Variants in SPOCK1 observed in about 807,000 individuals in gnomAD.
The protein encoded by SPOCK1 is SPARC (osteonectin), cwcv and kazal like domains proteoglycan 1.
Under a neutral mutation model 55.3 loss-of-function variants are expected in SPOCK1, and 23 were observed. That is an observed-to-expected ratio of 0.42 (90% CI 0.30 to 0.59). SPOCK1 has a LOEUF of 0.59. Ranked by LOEUF, SPOCK1 falls within the 20% of genes least tolerant of loss-of-function variation. The pLI, the probability that SPOCK1 is intolerant of heterozygous loss-of-function variation, is 0.22. For synonymous variants in SPOCK1, 226 were observed against 221.0 expected (o/e 1.02, Z -0.20); for missense variants, 499 against 552.5 (o/e 0.90, Z 0.97).
intron 2 of SPOCK1, among the ~76,000 whole-genome samples, chr5:137,485,871 A>G (rs1561548138): frequency 6.6e-6 from 1 of 152,208 alleles, no homozygotes; most frequent in Non-Finnish European, 1.5e-5. Flanking sequence ...CAGGGGCATG[A>G]GATGGTCTTC....
chr5:137,238,161 C>T (rs374935142), intron 3 of SPOCK1, among the ~76,000 whole-genome samples: 1 of 152,182 alleles, frequency 6.6e-6, no homozygotes, highest in South Asian at 2.1e-4. Context: ...TATATGTAAA[C>T]CCAAGCTACT....
intron 6 of SPOCK1, among the ~76,000 whole-genome samples, chr5:137,064,070 G>A (rs1752449398): frequency 6.6e-6 from 1 of 152,134 alleles, no homozygotes; most frequent in Non-Finnish European, 1.5e-5. Context: ...TGACCTTAGT[G>A]GACAAGGTGA....
At chr5:137,317,157 G>A (rs1179324728) in intron 2 of SPOCK1, among the ~76,000 whole-genome samples, 3 of 152,148 alleles carry the variant, frequency 2.0e-5, no homozygotes, top group African/African-American at 7.2e-5. Context: ...GGTATCCTGG[G>A]GGAGAGTCTC....
rs140375135 is a variant in SPOCK1 at position 137,385,106 on chromosome 5, G to A, written c.186+113267C>T. On this transcript the variant is annotated intron_variant, in intron 2 of 10. Coordinates refer to ENST00000394945, the MANE Select transcript of SPOCK1 (RefSeq NM_004598.4). ...AACATTACATGTTGCTTTTATCACA[G>A]TCATAATCTTCACCTCCCTCTCCAG... Among the ~76,000 whole-genome samples, 119 of 152,242 alleles carry A rather than the reference G, an allele frequency of 7.8e-4. 1 individual carries two copies. Among genetic ancestry groups the A allele is most frequent in the African/African-American group, 2.6e-3 (110 of 41,528 alleles).
At chr5:137,247,352 G>A (rs1291093331) in intron 3 of SPOCK1, among the ~76,000 whole-genome samples, 1 of 151,974 alleles carries the variant, frequency 6.6e-6, no homozygotes, top group East Asian at 1.9e-4. Flanking sequence ...AACATGCCAG[G>A]TTTAGACTCC....
At chr5:136,978,950 T>C (rs1228391792) in intron 10 of SPOCK1, 106 bp from the exon 11 acceptor site, 4 of 1,244,384 alleles carry the variant, frequency 3.2e-6, no homozygotes, top group Non-Finnish European at 4.4e-6. Context: ...CAGTTTACTT[T>C]CTGAAAACAG....
chr5:137,390,838 T>C (rs1290333050), intron 2 of SPOCK1, among the ~76,000 whole-genome samples: 2 of 152,030 alleles, frequency 1.3e-5, no homozygotes, highest in African/African-American at 4.8e-5. Flanking sequence ...GAGTAGCTGG[T>C]GGGGGGGTGT....
At chr5:137,065,897 G>A (rs558003367) in intron 6 of SPOCK1, among the ~76,000 whole-genome samples, 11 of 152,186 alleles carry the variant, frequency 7.2e-5, no homozygotes, top group East Asian at 5.8e-4. Flanking sequence ...ATTTTTACTC[G>A]TAAATAATTG....
At chr5:137,439,998 G>C (rs1294022440) in intron 2 of SPOCK1, among the ~76,000 whole-genome samples, 1 of 152,084 alleles carries the variant, frequency 6.6e-6, no homozygotes, top group East Asian at 1.9e-4. Context: ...ATCAGAGATT[G>C]GAGGAAAGCC....
chr5:137,267,099 G>T, intron 2 of SPOCK1, 44 bp from the exon 3 acceptor site: 1 of 1,528,702 alleles, frequency 6.5e-7, no homozygotes, highest in South Asian at 1.1e-5. Context: ...AGTTCAAAAA[G>T]CTTCTCACAT....
chr5:137,345,440 T>C (rs1053008704), intron 2 of SPOCK1, among the ~76,000 whole-genome samples: 5 of 152,212 alleles, frequency 3.3e-5, no homozygotes, highest in African/African-American at 1.2e-4. Flanking sequence ...CCTGCAGAGA[T>C]GGGCATTACC....
chr5:137,133,845 G>C (rs866806803), intron 4 of SPOCK1, among the ~76,000 whole-genome samples: 11 of 152,016 alleles, frequency 7.2e-5, no homozygotes, highest in African/African-American at 1.7e-4. Context: ...AGAAGAAATA[G>C]GTTTAATACC....
At chr5:137,199,344 G>A (rs1204909077) in intron 3 of SPOCK1, among the ~76,000 whole-genome samples, 3 of 152,120 alleles carry the variant, frequency 2.0e-5, no homozygotes, top group Admixed American at 2.0e-4. Context: ...TCACCTCATG[G>A]ATTCCCATCT....
At chr5:137,198,720 T>C (rs1755351918) in intron 3 of SPOCK1, among the ~76,000 whole-genome samples, 1 of 152,216 alleles carries the variant, frequency 6.6e-6, no homozygotes, top group African/African-American at 2.4e-5. Flanking sequence ...TTTTCTTAAT[T>C]TGATTGGCGT....
intron 3 of SPOCK1, among the ~76,000 whole-genome samples, chr5:137,152,332 C>G (rs1425039488): frequency 6.6e-6 from 1 of 152,206 alleles, no homozygotes; most frequent in Non-Finnish European, 1.5e-5. Context: ...TATCTCTCCA[C>G]CAATGTGCCA....
At chr5:137,003,653 T>C (rs915905101) in intron 6 of SPOCK1, among the ~76,000 whole-genome samples, 18 of 152,196 alleles carry the variant, frequency 1.2e-4, no homozygotes, top group Non-Finnish European at 1.8e-4. Flanking sequence ...TTTGACCTGC[T>C]CAGATTCAAC....
At chr5:137,100,202 T>C (rs758301698) in intron 5 of SPOCK1, among the ~76,000 whole-genome samples, 7 of 152,158 alleles carry the variant, frequency 4.6e-5, no homozygotes, top group Non-Finnish European at 1.0e-4. Flanking sequence ...ATGGTGCTTA[T>C]GATAAGCCTT....
chr5:137,159,726 T>C (rs1401121164), intron 3 of SPOCK1, among the ~76,000 whole-genome samples: 2 of 152,216 alleles, frequency 1.3e-5, no homozygotes, highest in East Asian at 1.9e-4. Context: ...CACATTTTCT[T>C]TACCTACTCA....
At chr5:137,394,546 A>C (rs1464555717) in intron 2 of SPOCK1, among the ~76,000 whole-genome samples, 2 of 152,214 alleles carry the variant, frequency 1.3e-5, no homozygotes, top group Non-Finnish European at 2.9e-5. Context: ...CATCAGCATT[A>C]GTGCTGGTGA....
Sources: allele counts gnomAD v4.1 joint callset (sites outside exome capture counted in the v4.1 genomes callset), GRCh38; gene constraint gnomAD v4.1.1; transcripts MANE v1.5; gene names NCBI Gene and HGNC (gene_info 2026-07-23, HGNC 2026-07-21).